Variants in NKAIN2 observed in about 807,000 individuals in gnomAD.
NKAIN2 encodes sodium/potassium-transporting ATPase subunit beta-1-interacting protein 2.
A neutral mutation model predicts 32.6 loss-of-function variants in NKAIN2; 14 were observed. The observed-to-expected ratio is 0.43, with a 90% CI of 0.28 to 0.67. NKAIN2 has a LOEUF of 0.67. Ranked by LOEUF, NKAIN2 falls within the 30% of genes least tolerant of loss-of-function variation. NKAIN2 has a pLI of 0.17. For missense variants in NKAIN2, 198 were observed against 258.3 expected (o/e 0.77, Z 1.60); for synonymous variants, 80 against 87.2 (o/e 0.92, Z 0.46).
chr6:124,637,613 AAAC>A (rs1409639670), intron 3 of NKAIN2, among the ~76,000 whole-genome samples: 1 of 152,236 alleles, frequency 6.6e-6, no homozygotes. Context: ...TAGTGTTTCT[AAAC>A]AACAAGAACA....
intron 1 of NKAIN2, among the ~76,000 whole-genome samples, chr6:124,210,925 T>TGGAA (rs1791142046): frequency 1.3e-5 from 2 of 150,400 alleles, no homozygotes; most frequent in African/African-American, 5.0e-5. Flanking sequence ...ATTTAGATAC[T>TGGAA]CTTTATTTAC....
chr6:124,109,151 G>C (rs933627464), intron 1 of NKAIN2, among the ~76,000 whole-genome samples: 1 of 151,920 alleles, frequency 6.6e-6, no homozygotes, highest in Non-Finnish European at 1.5e-5. Context: ...TGGGTGGTTG[G>C]ACATTTTAAC....
chr6:123,970,869 GA>G (rs1778307479), intron 1 of NKAIN2, among the ~76,000 whole-genome samples: 1 of 151,764 alleles, frequency 6.6e-6, no homozygotes, highest in Non-Finnish European at 1.5e-5. Context: ...TCGACGAAGT[GA>G]ATCTCTGTCT....
intron 2 of NKAIN2, among the ~76,000 whole-genome samples, chr6:124,334,338 C>T (rs1054342359): frequency 3.3e-5 from 5 of 152,190 alleles, no homozygotes; most frequent in Admixed American, 1.3e-4. Context: ...CAGACAGAGT[C>T]GATTTATCCG....
chr6:123,909,602 C>G (rs1775064816), intron 1 of NKAIN2, among the ~76,000 whole-genome samples: 1 of 152,148 alleles, frequency 6.6e-6, no homozygotes, highest in Admixed American at 6.5e-5. Context: ...AGCATTCTTC[C>G]CACCCAACCC....
At chr6:123,820,995 T>C (rs1178297363) in intron 1 of NKAIN2, among the ~76,000 whole-genome samples, 1 of 152,224 alleles carries the variant, frequency 6.6e-6, no homozygotes, top group Non-Finnish European at 1.5e-5. Flanking sequence ...ACACTTTAGC[T>C]GTTTCACAAT....
chr6:124,638,325 G>A (rs1376345023), intron 3 of NKAIN2, among the ~76,000 whole-genome samples: 1 of 152,120 alleles, frequency 6.6e-6, no homozygotes, highest in East Asian at 1.9e-4. Context: ...AAAACATAGG[G>A]AAAATGTTTC....
chr6:124,737,541 G>A (rs12524580), intron 4 of NKAIN2, among the ~76,000 whole-genome samples: 15,960 of 151,778 alleles, frequency 0.11, 1,011 homozygotes, highest in East Asian at 0.29. Context: ...GAAGATGCTC[G>A]AAAATGTGGA....
chr6:124,654,309 AT>A (rs1172403548), intron 3 of NKAIN2, among the ~76,000 whole-genome samples: 1 of 152,090 alleles, frequency 6.6e-6, no homozygotes, highest in Non-Finnish European at 1.5e-5. Flanking sequence ...TAGTTAATTG[AT>A]TTTCTAAGTA....
At chr6:124,574,491 G>A (rs1287827205) in intron 3 of NKAIN2, among the ~76,000 whole-genome samples, 1 of 152,060 alleles carries the variant, frequency 6.6e-6, no homozygotes, top group Non-Finnish European at 1.5e-5. Flanking sequence ...AGTAGTGCAT[G>A]GCTGTAATCC....
intron 4 of NKAIN2, among the ~76,000 whole-genome samples, chr6:124,673,840 T>A (rs1773221710): frequency 6.6e-6 from 1 of 152,036 alleles, no homozygotes; most frequent in South Asian, 2.1e-4. Flanking sequence ...GGTTGCCTTT[T>A]CAGTCTGTTT....
intron 3 of NKAIN2, among the ~76,000 whole-genome samples, chr6:124,620,578 A>G (rs939016018): frequency 5.3e-5 from 8 of 152,218 alleles, no homozygotes. Flanking sequence ...ATGAGACCCA[A>G]TAAATCCATT....
chr6:124,203,929 T>C (rs1170244218), intron 1 of NKAIN2, among the ~76,000 whole-genome samples: 1 of 151,876 alleles, frequency 6.6e-6, no homozygotes, highest in East Asian at 1.9e-4. Flanking sequence ...GCTAAATGAT[T>C]TCGCAGAAGG....
chr6:124,496,212 G>C (rs1778058315), intron 3 of NKAIN2, among the ~76,000 whole-genome samples: 1 of 152,118 alleles, frequency 6.6e-6, no homozygotes, highest in South Asian at 2.1e-4. Flanking sequence ...AAATGTGCTT[G>C]TGTAGTATTC....
At chr6:124,187,742 A>T (rs1020742980) in intron 1 of NKAIN2, among the ~76,000 whole-genome samples, 1 of 151,710 alleles carries the variant, frequency 6.6e-6, no homozygotes, top group Non-Finnish European at 1.5e-5. Flanking sequence ...TGTCCACGCA[A>T]CTCTCTATTT....
intron 4 of NKAIN2, among the ~76,000 whole-genome samples, chr6:124,691,025 A>G (rs892521779): frequency 6.6e-6 from 1 of 152,168 alleles, no homozygotes; most frequent in Non-Finnish European, 1.5e-5. Context: ...AGGAGGAAGG[A>G]GGGGGAAAAA....
intron 1 of NKAIN2, among the ~76,000 whole-genome samples, chr6:123,983,417 G>A (rs1202389505): frequency 1.3e-5 from 2 of 152,174 alleles, no homozygotes; most frequent in Non-Finnish European, 2.9e-5. Flanking sequence ...AGGATACAGT[G>A]CCCTTCCAGC....
At chr6:124,213,221 T>C (rs181208931) in intron 1 of NKAIN2, among the ~76,000 whole-genome samples, 1 of 152,270 alleles carries the variant, frequency 6.6e-6, no homozygotes, top group East Asian at 1.9e-4. Context: ...CCTTGTATCA[T>C]AGTAATTTAC....
chr6:124,370,834 C>T (rs149740994), intron 3 of NKAIN2, among the ~76,000 whole-genome samples: 54 of 152,192 alleles, frequency 3.5e-4, no homozygotes, highest in African/African-American at 1.2e-3. Flanking sequence ...TATATAGGCA[C>T]TCGCAAAGGC....
Sources: allele counts gnomAD v4.1 joint callset (sites outside exome capture counted in the v4.1 genomes callset), GRCh38; gene constraint gnomAD v4.1.1; transcripts MANE v1.5; gene names NCBI Gene and HGNC (gene_info 2026-07-23, HGNC 2026-07-21).